Variants in THSD4 observed in about 807,000 individuals in gnomAD.
THSD4 encodes the protein thrombospondin type-1 domain-containing protein 4.
Under a neutral mutation model 119.0 loss-of-function variants are expected in THSD4, and 69 were observed. The ratio of observed to expected loss-of-function variants is 0.58; its 90% CI spans 0.48 to 0.71. The LOEUF is 0.71. Among genes scored for constraint, THSD4 ranks in the 30% least tolerant of loss-of-function variants. THSD4 has a pLI of 0.00. For synonymous variants in THSD4, 524 were observed against 540.4 expected (o/e 0.97, Z 0.42); for missense variants, 1,393 against 1,391.1 (o/e 1.00, Z -0.02).
chr15:71,196,175 A>G (rs1354689932), intron 3 of THSD4, among the ~76,000 whole-genome samples: 1 of 152,138 alleles, frequency 6.6e-6, no homozygotes, highest in Non-Finnish European at 1.5e-5. Context: ...CCTCTTTTAT[A>G]AGGCCTTTAA....
chr15:71,307,211 T>A (rs1040796275), intron 6 of THSD4, among the ~76,000 whole-genome samples: 2 of 152,212 alleles, frequency 1.3e-5, no homozygotes, highest in Non-Finnish European at 2.9e-5. Context: ...GTGTTAAGGC[T>A]GGCTCAGTAA....
intron 7 of THSD4, among the ~76,000 whole-genome samples, chr15:71,569,910 C>T (rs2049317236): frequency 6.6e-6 from 1 of 152,190 alleles, no homozygotes; most frequent in African/African-American, 2.4e-5. Context: ...AGGAGAATCA[C>T]TTGAACCCAG....
Position 71,675,904 on chromosome 15 carries a change from A to G in THSD4, c.1357+15170A>G, listed in dbSNP as rs113596802. ...TCACTTCCCAGCCACTGGAAGAAAG[A>G]CATGTTCCACTGAATTCCTTGCAGC... On this transcript the variant is annotated intron_variant, in intron 8 of 17. Transcript: ENST00000261862. Among the ~76,000 whole-genome samples, 1,448 of 152,274 alleles carry G rather than the reference A, an allele frequency of 9.5e-3. 22 individuals are homozygous for G. The highest frequency in any genetic ancestry group is 0.033 in the African/African-American group (1,374 of 41,544).
intron 7 of THSD4, among the ~76,000 whole-genome samples, chr15:71,546,231 CCAGGACCT>C (rs1189214279): frequency 1.1e-4 from 16 of 152,214 alleles, no homozygotes; most frequent in African/African-American, 3.9e-4. Flanking sequence ...CTGCCTAATT[CCAGGACCT>C]CAGGGTGTTT....
At chr15:71,293,459 C>T (rs1180435716) in intron 6 of THSD4, among the ~76,000 whole-genome samples, 1 of 152,104 alleles carries the variant, frequency 6.6e-6, no homozygotes, top group Admixed American at 6.5e-5. Context: ...AACCTCTCCC[C>T]TGCTTGGGGA....
chr15:71,628,079 A>G (rs1030852017), intron 7 of THSD4, among the ~76,000 whole-genome samples: 2 of 152,310 alleles, frequency 1.3e-5, no homozygotes, highest in African/African-American at 4.8e-5. Flanking sequence ...TCAACAAGTT[A>G]TCATGGCCAG....
chr15:71,449,927 C>T (rs2047239586), intron 7 of THSD4, among the ~76,000 whole-genome samples: 1 of 152,172 alleles, frequency 6.6e-6, no homozygotes, highest in Non-Finnish European at 1.5e-5. Context: ...GAACAAAAAA[C>T]TACTTAGGAT....
chr15:71,190,515 G>T (rs2043662256), intron 3 of THSD4, among the ~76,000 whole-genome samples: 1 of 152,210 alleles, frequency 6.6e-6, no homozygotes, highest in Non-Finnish European at 1.5e-5. Flanking sequence ...GTTGCTAGAA[G>T]CTGTGCAAAC....
At chr15:71,608,786 C>G (rs903058463) in intron 7 of THSD4, among the ~76,000 whole-genome samples, 3 of 152,198 alleles carry the variant, frequency 2.0e-5, no homozygotes, top group East Asian at 1.9e-4. Flanking sequence ...TTAAAATTTG[C>G]TATCACTTAA....
rs1595929738 is a variant in THSD4 at position 71,765,095 on chromosome 15, G to A, written c.2665G>A (p.Val889Met). The A allele has an allele frequency of 1.9e-6, 3 of 1,614,126 alleles. No homozygotes were observed. Among genetic ancestry groups the A allele is most frequent in the Non-Finnish European group, 2.5e-6 (3 of 1,180,056 alleles). The change falls in exon 16 of 18, where the codon GTG becomes ATG. Residue 889 changes from valine to methionine, a missense_variant. By Grantham distance (21) the Val-to-Met change is conservative. Coordinates refer to ENST00000261862, the MANE Select transcript of THSD4 (RefSeq NM_024817.3). ...CVRKNADTFE[V>M]LDPSECSFLE... ...TAGAAAGAATGCAGACACCTTTGAAGTGTTGGACCCCTCTGAATGTTCTTT... is the reference window on the plus strand; with the variant it reads ...TAGAAAGAATGCAGACACCTTTGAAATGTTGGACCCCTCTGAATGTTCTTT...
chr15:71,368,645 T>C (rs1055658730), intron 6 of THSD4, among the ~76,000 whole-genome samples: 1 of 152,198 alleles, frequency 6.6e-6, no homozygotes, highest in Non-Finnish European at 1.5e-5. Context: ...TTGGTCTATA[T>C]CTCTGTTTTG....
intron 7 of THSD4, among the ~76,000 whole-genome samples, chr15:71,435,693 C>T (rs1261057261): frequency 6.6e-6 from 1 of 152,132 alleles, no homozygotes; most frequent in African/African-American, 2.4e-5. Context: ...TTGCCACAGG[C>T]GGTTAAGGAT....
intron 7 of THSD4, among the ~76,000 whole-genome samples, chr15:71,633,806 GC>G (rs1459590949): frequency 6.6e-6 from 1 of 152,160 alleles, no homozygotes; most frequent in Non-Finnish European, 1.5e-5. Context: ...CAACAGATAA[GC>G]CTGGTCTAGT....
At chr15:71,757,423 A>AT (rs893182077) in intron 14 of THSD4, among the ~76,000 whole-genome samples, 1 of 129,412 alleles carries the variant, frequency 7.7e-6, no homozygotes, top group South Asian at 2.3e-4. Flanking sequence ...GAATATATAT[A>AT]TATTTTTTTA....
chr15:71,220,633 G>A (rs572318727), intron 4 of THSD4, among the ~76,000 whole-genome samples: 91 of 152,200 alleles, frequency 6.0e-4, no homozygotes, highest in African/African-American at 2.0e-3. Context: ...CAAAGTGAAC[G>A]CTGTAACTCC....
chr15:71,353,936 A>G (rs2045776292), intron 6 of THSD4, among the ~76,000 whole-genome samples: 2 of 152,218 alleles, frequency 1.3e-5, no homozygotes, highest in African/African-American at 4.8e-5. Context: ...TGAGATTGCC[A>G]GGTGATTGAG....
intron 3 of THSD4, among the ~76,000 whole-genome samples, chr15:71,180,156 TAAAA>T (rs766375226): frequency 4.4e-5 from 1 of 22,828 alleles, no homozygotes; most frequent in African/African-American, 6.2e-5. Flanking sequence ...AAAAAAACAT[TAAAA>T]AAAAAAAAAA....
rs1186433581 is a variant in THSD4, at chr15:71,780,439, G to A, written c.*3065G>A. 6 of 229,712 alleles carry A rather than the reference G, an allele frequency of 2.6e-5. No individual in the cohort carries two copies. Among genetic ancestry groups the A allele is most frequent in the African/African-American group, 1.3e-4 (6 of 45,140 alleles). 14.2% of individuals were successfully genotyped at this position (229,712 alleles called of 1,614,324 possible). A position where few individuals can be genotyped will look rare whatever the true frequency, so the allele number is the denominator to read the frequency against. ...TTGCAGCCTAGGCAAAGGACATTTAGTACTATCGATTCTTTCCACCCTCAC... is the reference window on the plus strand; with the variant it reads ...TTGCAGCCTAGGCAAAGGACATTTAATACTATCGATTCTTTCCACCCTCAC... On this transcript the variant is annotated 3_prime_UTR_variant, in exon 18 of 18. Transcript: ENST00000261862.
chr15:71,636,362 G>T (rs556253139), intron 7 of THSD4, among the ~76,000 whole-genome samples: 2 of 152,152 alleles, frequency 1.3e-5, no homozygotes, highest in Non-Finnish European at 2.9e-5. Context: ...GGCAGAGGTT[G>T]CAGTGAGCCG....
Sources: allele counts gnomAD v4.1 joint callset (sites outside exome capture counted in the v4.1 genomes callset), GRCh38; gene constraint gnomAD v4.1.1; transcripts MANE v1.5; gene names NCBI Gene and HGNC (gene_info 2026-07-23, HGNC 2026-07-21).